The following RBMS3 variants were observed in gnomAD, a reference collection of about 807,000 sequenced individuals.
The protein encoded by RBMS3 is RNA binding motif single stranded interacting protein 3.
In RBMS3, 27 loss-of-function variants were observed where a neutral mutation model predicts 66.8. The ratio of observed to expected loss-of-function variants is 0.40; its 90% CI spans 0.30 to 0.56. The LOEUF is 0.56. RBMS3 is among the 20% of genes least tolerant of loss of function. The pLI, the probability that RBMS3 is intolerant of heterozygous loss-of-function variation, is 0.40. For missense variants in RBMS3, 513 were observed against 549.5 expected (o/e 0.93, Z 0.66); for synonymous variants, 188 against 183.0 (o/e 1.03, Z -0.22).
chr3:29,293,114 T>TG (rs1234148382), intron 1 of RBMS3, among the ~76,000 whole-genome samples: 2 of 151,882 alleles, frequency 1.3e-5, no homozygotes, highest in African/African-American at 4.8e-5. Context: ...GGAGAACCTG[T>TG]ATAAAAGCCT....
At chr3:29,747,504 T>C (rs1053400454) in intron 5 of RBMS3, among the ~76,000 whole-genome samples, 1 of 152,142 alleles carries the variant, frequency 6.6e-6, no homozygotes, top group Non-Finnish European at 1.5e-5. Flanking sequence ...GTAATTGTTA[T>C]AGATGAAGTA....
intron 6 of RBMS3, among the ~76,000 whole-genome samples, chr3:29,804,325 A>G (rs1217879617): frequency 6.6e-6 from 1 of 152,110 alleles, no homozygotes. Context: ...AAATTAACAG[A>G]GGAAAACAGA....
intron 3 of RBMS3, among the ~76,000 whole-genome samples, chr3:29,488,870 C>A (rs62236912): frequency 0.2 from 30,748 of 152,096 alleles, 3,831 homozygotes; most frequent in Admixed American, 0.29. Flanking sequence ...ATTTTAATTT[C>A]TCTGTTCTTT....
intron 6 of RBMS3, among the ~76,000 whole-genome samples, chr3:29,819,085 G>A (rs1042982912): frequency 6.6e-6 from 1 of 152,118 alleles, no homozygotes; most frequent in Non-Finnish European, 1.5e-5. Context: ...CTTTTATTAT[G>A]TTCTAGACTC....
chr3:29,475,639 G>A (rs973819945), intron 2 of RBMS3, among the ~76,000 whole-genome samples: 7 of 152,068 alleles, frequency 4.6e-5, no homozygotes, highest in South Asian at 2.1e-4. Flanking sequence ...AACATTTACC[G>A]TATATCTACT....
intron 1 of RBMS3, among the ~76,000 whole-genome samples, chr3:29,320,800 A>C (rs1038378598): frequency 6.6e-6 from 1 of 152,096 alleles, no homozygotes; most frequent in Non-Finnish European, 1.5e-5. Context: ...GAGGTACAGA[A>C]ATGCAGATAA....
At chr3:29,549,143 T>C (rs780612540) in intron 3 of RBMS3, among the ~76,000 whole-genome samples, 39 of 149,736 alleles carry the variant, frequency 2.6e-4, no homozygotes, top group Admixed American at 6.7e-4. Flanking sequence ...CTTACTTGAA[T>C]TTTCTTGCTT....
chr3:29,812,771 T>C (rs1401670455), intron 6 of RBMS3, among the ~76,000 whole-genome samples: 1 of 152,198 alleles, frequency 6.6e-6, no homozygotes, highest in Middle Eastern at 3.2e-3. Flanking sequence ...AGCATGTATT[T>C]GCCGATGCCT....
At chr3:29,580,787 T>C (rs2047302684) in intron 3 of RBMS3, among the ~76,000 whole-genome samples, 1 of 152,036 alleles carries the variant, frequency 6.6e-6, no homozygotes, top group Non-Finnish European at 1.5e-5. Flanking sequence ...TGTCTTATTT[T>C]AGTATTTCTG....
chr3:29,659,730 TG>T (rs544972749), intron 4 of RBMS3, among the ~76,000 whole-genome samples: 1 of 152,038 alleles, frequency 6.6e-6, no homozygotes, highest in Non-Finnish European at 1.5e-5. Flanking sequence ...TCGATTTTGG[TG>T]GGGGGGTGGT....
chr3:29,648,972 T>C (rs2149210024), intron 4 of RBMS3, among the ~76,000 whole-genome samples: 1 of 152,272 alleles, frequency 6.6e-6, no homozygotes, highest in South Asian at 2.1e-4. Flanking sequence ...ACCACCTGTT[T>C]TGGGGATAAA....
At chr3:29,409,257 A>G (rs1368371090) in intron 1 of RBMS3, among the ~76,000 whole-genome samples, 4 of 152,120 alleles carry the variant, frequency 2.6e-5, no homozygotes, top group Non-Finnish European at 1.5e-5. Context: ...CGTGGTACCA[A>G]TTGGGGTTAC....
intron 6 of RBMS3, among the ~76,000 whole-genome samples, chr3:29,821,163 T>C (rs991568955): frequency 1.3e-5 from 2 of 152,194 alleles, no homozygotes; most frequent in African/African-American, 4.8e-5. Flanking sequence ...ATGATACATT[T>C]TTAGAGTAAG....
At chr3:29,850,611 G>T (rs1020748946) in intron 6 of RBMS3, among the ~76,000 whole-genome samples, 1 of 152,092 alleles carries the variant, frequency 6.6e-6, no homozygotes, top group Non-Finnish European at 1.5e-5. Flanking sequence ...AATGTTTATT[G>T]ATTCTTAGAA....
At position 29,283,483 on chromosome 3, in the gene RBMS3, T is replaced by TG. The variant is rs548634083; in HGVS notation, c.75+1733dup. The stretch of plus-strand genomic sequence containing the variant: ...AAAGTGTGTGCGAGAGAGAGAAAGA[T>TG]GGGGGGTAAAGAGAGAGAGTGGAGT... On this transcript the variant is annotated intron_variant, in intron 1 of 14. Coordinates refer to ENST00000383767, the MANE Select transcript of RBMS3 (RefSeq NM_001003793.3). Among the ~76,000 whole-genome samples the TG allele has an allele frequency of 1.3e-4, 19 of 151,996 alleles. No individual in the cohort carries two copies. In the South Asian group the frequency reaches 3.5e-3, roughly 28 times the overall value.
intron 4 of RBMS3, among the ~76,000 whole-genome samples, chr3:29,713,349 C>T (rs1167042231): frequency 2.0e-5 from 3 of 152,004 alleles, no homozygotes; most frequent in East Asian, 1.9e-4. Context: ...CATAATGTGC[C>T]CTTCTCTTAA....
intron 4 of RBMS3, among the ~76,000 whole-genome samples, chr3:29,670,049 C>A (rs2050929407): frequency 6.6e-6 from 1 of 152,090 alleles, no homozygotes; most frequent in South Asian, 2.1e-4. Context: ...AGAGATCATT[C>A]CATGTAATCA....
chr3:29,515,927 T>C (rs184226761), intron 3 of RBMS3, among the ~76,000 whole-genome samples: 16 of 152,330 alleles, frequency 1.1e-4, no homozygotes, highest in Non-Finnish European at 1.8e-4. Flanking sequence ...AAATAGTAGT[T>C]TTTATACCTA....
intron 3 of RBMS3, among the ~76,000 whole-genome samples, chr3:29,565,444 T>G (rs1398495895): frequency 6.6e-6 from 1 of 152,204 alleles, no homozygotes; most frequent in Non-Finnish European, 1.5e-5. Flanking sequence ...TAAACAGGAC[T>G]TCTTTGTGAG....
Sources: allele counts gnomAD v4.1 joint callset (sites outside exome capture counted in the v4.1 genomes callset), GRCh38; gene constraint gnomAD v4.1.1; transcripts MANE v1.5; gene names NCBI Gene and HGNC (gene_info 2026-07-23, HGNC 2026-07-21).